MYOCD: variants seen among roughly 807,000 people sequenced by gnomAD.
The protein encoded by MYOCD is myocardin.
MYOCD carries 32 observed loss-of-function variants against 96.1 expected under a neutral mutation model. The ratio of observed to expected loss-of-function variants is 0.33; its 90% CI spans 0.25 to 0.45. The LOEUF is 0.45. MYOCD is among the 20% of genes least tolerant of loss of function. MYOCD has a pLI of 1.00. For missense variants in MYOCD, 1,133 were observed against 1,200.6 expected (o/e 0.94, Z 0.83); for synonymous variants, 469 against 469.0 (o/e 1.00, Z 0.00).
intron 5 of MYOCD, among the ~76,000 whole-genome samples, chr17:12,735,891 C>T (rs1366467522): frequency 6.6e-6 from 1 of 151,978 alleles, no homozygotes; most frequent in Non-Finnish European, 1.5e-5. Flanking sequence ...ATATGGGTTC[C>T]CAAAGAAAAC....
chr17:12,674,471 GTTTA>G (rs1424340398), intron 1 of MYOCD, among the ~76,000 whole-genome samples: 1 of 151,892 alleles, frequency 6.6e-6, no homozygotes, highest in Non-Finnish European at 1.5e-5. Context: ...TTAAACTTCA[GTTTA>G]TTTGAGAAAA....
intron 8 of MYOCD, among the ~76,000 whole-genome samples, chr17:12,745,485 A>G (rs967633417): frequency 6.6e-6 from 1 of 152,180 alleles, no homozygotes; most frequent in African/African-American, 2.4e-5. Context: ...CTCGGATTAC[A>G]GGCATGAGCC....
chr17:12,705,321 TCAG>T (rs2150673922), intron 2 of MYOCD, 128 bp downstream of exon 2: 1 of 617,000 alleles, frequency 1.6e-6, no homozygotes, highest in East Asian at 2.9e-5. Flanking sequence ...AGCATTGGTA[TCAG>T]CAGAAATCCC....
At chr17:12,704,924 A>G (rs2031229054) in intron 1 of MYOCD, 1 of 545,512 alleles carries the variant, frequency 1.8e-6, no homozygotes, top group Non-Finnish European at 3.3e-6. Flanking sequence ...CTAGTTTGGG[A>G]CAGACTTACT....
At chr17:12,712,503 G>T (rs2031511374) in intron 2 of MYOCD, among the ~76,000 whole-genome samples, 1 of 152,146 alleles carries the variant, frequency 6.6e-6, no homozygotes, top group South Asian at 2.1e-4. Context: ...CCTTTTTCTG[G>T]GATCCTGCTG....
intron 1 of MYOCD, among the ~76,000 whole-genome samples, chr17:12,689,610 T>C (rs2030342019): frequency 6.6e-6 from 1 of 152,150 alleles, no homozygotes; most frequent in Non-Finnish European, 1.5e-5. Flanking sequence ...GGCAGGCGGA[T>C]CACTTGAGGT....
At chr17:12,693,280 G>A (rs1165796142) in intron 1 of MYOCD, among the ~76,000 whole-genome samples, 1 of 151,844 alleles carries the variant, frequency 6.6e-6, no homozygotes, top group African/African-American at 2.4e-5. Context: ...AGCTGTCGTG[G>A]GACATTTATG....
At chr17:12,725,679 T>C (rs1401181672) in intron 5 of MYOCD, among the ~76,000 whole-genome samples, 1 of 150,912 alleles carries the variant, frequency 6.6e-6, no homozygotes, top group African/African-American at 2.4e-5. Flanking sequence ...TATTATATTA[T>C]ATTAGTGTTG....
At chr17:12,734,915 G>T (rs1348392120) in intron 5 of MYOCD, among the ~76,000 whole-genome samples, 4 of 152,150 alleles carry the variant, frequency 2.6e-5, no homozygotes, top group Non-Finnish European at 5.9e-5. Flanking sequence ...GAGCAGAAAT[G>T]CTCAGCCCCA....
intron 5 of MYOCD, among the ~76,000 whole-genome samples, chr17:12,725,113 TA>T (rs1291737598): frequency 1.5e-4 from 23 of 152,032 alleles, no homozygotes; most frequent in Non-Finnish European, 2.5e-4. Flanking sequence ...GGAAACCTAT[TA>T]ATTGCGCACA....
intron 10 of MYOCD, among the ~76,000 whole-genome samples, chr17:12,756,161 G>A (rs1488194485): frequency 6.6e-6 from 1 of 152,142 alleles, no homozygotes; most frequent in African/African-American, 2.4e-5. Context: ...GCACCAAAGT[G>A]TAGAGTCTTG....
rs112376354 is a variant in MYOCD, at chr17:12,756,765, T to C, written c.2202+208T>C. Reference sequence around the variant, plus strand: ...ATATAGGTTAACAATGACTGATCTATGCTTACAACATTAAATGCTGGTGGG... The same window carrying C: ...ATATAGGTTAACAATGACTGATCTACGCTTACAACATTAAATGCTGGTGGG... On this transcript the variant is annotated intron_variant, in intron 11 of 13. Transcript: ENST00000425538. 4.5e-3 allele frequency among the ~76,000 whole-genome samples: 679 copies of C among 150,540 alleles called. 6 individuals are homozygous for C. The highest frequency in any genetic ancestry group is 0.016 in the African/African-American group (656 of 41,118).
rs1158539250 is a variant in MYOCD at position 12,756,468 on chromosome 17, C to A, written c.2113C>A (p.Leu705Ile). ...PPSFSPHSSS[L>I]HPPFSGAQAD... Reference sequence around the variant, plus strand: ...AAGCTTCTCTCCCCATTCTTCCAGCCTCCACCCGCCCTTCTCTGGAGCCCA... The same window carrying A: ...AAGCTTCTCTCCCCATTCTTCCAGCATCCACCCGCCCTTCTCTGGAGCCCA... Residue 705 changes from leucine to isoleucine, a missense_variant, in exon 11 of 14, where the codon CTC (leucine) becomes ATC (isoleucine). Leu to Ile is a conservative substitution (Grantham distance 5). Coordinates refer to ENST00000425538, the MANE Select transcript of MYOCD (RefSeq NM_001146312.3). The A allele has an allele frequency of 6.4e-7, 1 of 1,552,078 alleles. No homozygotes were observed. Among genetic ancestry groups the A allele is most frequent in the East Asian group, 2.4e-5 (1 of 40,866 alleles).
intron 5 of MYOCD, 120 bp downstream of exon 5, chr17:12,723,128 T>C (rs1391716097): frequency 1.0e-6 from 1 of 955,502 alleles, no homozygotes; most frequent in Non-Finnish European, 1.6e-6. Context: ...AGCCATACCA[T>C]GGGTTGTTAG....
intron 5 of MYOCD, among the ~76,000 whole-genome samples, chr17:12,734,909 A>C (rs530837431): frequency 2.6e-5 from 4 of 152,302 alleles, no homozygotes; most frequent in Non-Finnish European, 5.9e-5. Flanking sequence ...ACCTTGGAGC[A>C]GAAATGCTCA....
At chr17:12,751,271 G>C (rs560324656) in intron 9 of MYOCD, among the ~76,000 whole-genome samples, 2 of 151,390 alleles carry the variant, frequency 1.3e-5, no homozygotes, top group South Asian at 4.2e-4. Flanking sequence ...GCAAACATAG[G>C]TTCAAATATA....
chr17:12,695,538 C>T (rs2150662169), intron 1 of MYOCD, among the ~76,000 whole-genome samples: 1 of 152,326 alleles, frequency 6.6e-6, no homozygotes, highest in Admixed American at 6.5e-5. Context: ...GTTTTTGCTT[C>T]TTACCCCTTT....
rs563317012 is a variant in MYOCD, at chr17:12,711,927, T to TC, written c.122-3592_122-3591insC. Among the ~76,000 whole-genome samples the TC allele has an allele frequency of 2.6e-4, 39 of 148,518 alleles. No individual in the cohort carries two copies. The East Asian group carries it at 7.0e-3, about 27-fold the overall frequency. On this transcript the variant is annotated intron_variant, in intron 2 of 13. Coordinates refer to ENST00000425538, the MANE Select transcript of MYOCD (RefSeq NM_001146312.3). Reference sequence around the variant, plus strand: ...CAGGAATTGGGATTTCTTTTTTCTTTTTTTTTTTTTTTTTGAGACAGAGTC... The same window carrying TC: ...CAGGAATTGGGATTTCTTTTTTCTTTCTTTTTTTTTTTTTTGAGACAGAGTC...
At chr17:12,671,187 G>A (rs1012126775) in intron 1 of MYOCD, among the ~76,000 whole-genome samples, 2 of 152,078 alleles carry the variant, frequency 1.3e-5, no homozygotes, top group Admixed American at 1.3e-4. Context: ...AGTTTATAGG[G>A]TATTTTCCAG....
Sources: allele counts gnomAD v4.1 joint callset (sites outside exome capture counted in the v4.1 genomes callset), GRCh38; gene constraint gnomAD v4.1.1; transcripts MANE v1.5; gene names NCBI Gene and HGNC (gene_info 2026-07-23, HGNC 2026-07-21).